KAT6B: variants seen among roughly 807,000 people sequenced by gnomAD.
KAT6B encodes histone acetyltransferase KAT6B.
A neutral mutation model predicts 187.5 loss-of-function variants in KAT6B; 10 were observed. The ratio of observed to expected loss-of-function variants is 0.05; its 90% CI spans 0.03 to 0.09. The LOEUF (loss-of-function observed/expected upper bound fraction) is 0.09, where lower values mean the gene tolerates loss of function less well. Among genes scored for constraint, KAT6B ranks in the 10% least tolerant of loss-of-function variants. The pLI is 1.00. For synonymous variants in KAT6B, 861 were observed against 926.8 expected (o/e 0.93, Z 1.29); for missense variants, 1,952 against 2,558.9 (o/e 0.76, Z 5.12).
rs191126427 is a variant in KAT6B, at chr10:74,888,617, A to G, written c.621+45139A>G. Among the ~76,000 whole-genome samples, 149 of 152,350 alleles carry G rather than the reference A, an allele frequency of 9.8e-4. 1 individual carries two copies. Among genetic ancestry groups the G allele is most frequent in the Middle Eastern group, 3.4e-3 (1 of 294 alleles). ...TGAGAAAAAATGGGTGTACTTTCATATTCTGAGCATATAAATTGTTCAGAC... is the reference window on the plus strand; with the variant it reads ...TGAGAAAAAATGGGTGTACTTTCATGTTCTGAGCATATAAATTGTTCAGAC... On this transcript the variant is annotated intron_variant, in intron 3 of 17. Coordinates refer to ENST00000287239, the MANE Select transcript of KAT6B (RefSeq NM_012330.4).
Position 75,028,525 on chromosome 10 carries a change from G to C in KAT6B, c.3701G>C (p.Gly1234Ala), listed in dbSNP as rs774116141. ...MNDDSSNLKEGSKDNPEPLKC... is the reference protein window; with the variant it reads ...MNDDSSNLKEASKDNPEPLKC... ...GATGATTCAAGTAACTTGAAAGAAG[G>C]CAGTAAAGACAATCCCGAACCTCTA... Residue 1234 changes from glycine to alanine, a missense_variant, in exon 18 of 18, where the codon GGC becomes GCC. Gly to Ala is a moderately conservative substitution (Grantham distance 60, BLOSUM62 0). Around this residue, in one of 9 missense-constraint regions of KAT6B, gnomAD observed 758 missense variants for 891.4 expected, o/e 0.85. Transcript: ENST00000287239. 1 of 1,614,122 alleles carries C rather than the reference G, an allele frequency of 6.2e-7. No individual in the cohort carries two copies. The highest frequency in any genetic ancestry group is 1.1e-5 in the South Asian group (1 of 91,084).
At chr10:74,877,639 A>G (rs1268473500) in intron 3 of KAT6B, among the ~76,000 whole-genome samples, 2 of 152,220 alleles carry the variant, frequency 1.3e-5, no homozygotes, top group East Asian at 1.9e-4. Flanking sequence ...AATAATTAAG[A>G]TGAAATATCA....
chr10:74,850,916 G>T (rs973743536), intron 3 of KAT6B, among the ~76,000 whole-genome samples: 1 of 152,128 alleles, frequency 6.6e-6, no homozygotes, highest in Admixed American at 6.6e-5. Context: ...TCTGTTTCCA[G>T]TGTAGTACAT....
intron 3 of KAT6B, among the ~76,000 whole-genome samples, chr10:74,956,940 G>C (rs1276669717): frequency 2.0e-5 from 3 of 152,222 alleles, no homozygotes. Context: ...AGGTGCCTTT[G>C]TGAAATTTCA....
chr10:74,988,178 A>G (rs1842930882), intron 12 of KAT6B, among the ~76,000 whole-genome samples: 1 of 152,142 alleles, frequency 6.6e-6, no homozygotes, highest in African/African-American at 2.4e-5. Context: ...TTTGTGGTTT[A>G]TATTTGGCCA....
chr10:74,831,673 T>C (rs766668325), intron 1 of KAT6B, among the ~76,000 whole-genome samples: 1 of 152,246 alleles, frequency 6.6e-6, no homozygotes, highest in Non-Finnish European at 1.5e-5. Flanking sequence ...TCCAGCTGAC[T>C]GTATTGCCCT....
chr10:74,851,784 G>C (rs1362580898), intron 3 of KAT6B, among the ~76,000 whole-genome samples: 3 of 152,166 alleles, frequency 2.0e-5, no homozygotes. Flanking sequence ...TTTTGGCACT[G>C]TTATTAATAT....
At chr10:75,006,912 CA>C (rs1844242250) in intron 13 of KAT6B, among the ~76,000 whole-genome samples, 1 of 151,594 alleles carries the variant, frequency 6.6e-6, no homozygotes, top group Non-Finnish European at 1.5e-5. Context: ...TACTAAAATA[CA>C]AAAAATTATC....
chr10:75,031,126 C>A lies in KAT6B; in HGVS notation c.*80C>A. 1.3e-6 allele frequency: 2 copies of A among 1,490,128 alleles called. No homozygotes were observed. The highest frequency in any genetic ancestry group is 1.8e-6 in the Non-Finnish European group (2 of 1,085,880). The allele number at this position is 1,490,128 out of a possible 1,614,324, so 92.3% of individuals were successfully genotyped here. ...CAAATACCTTTGAAGAGTACGATTT[C>A]AAAACCAGCAATTGGTGTGAATGCA... is the stretch of plus-strand genomic sequence containing the variant. On this transcript the variant is annotated 3_prime_UTR_variant, in exon 18 of 18. Coordinates refer to ENST00000287239, the MANE Select transcript of KAT6B (RefSeq NM_012330.4).
chr10:74,970,011 A>G lies in KAT6B; in HGVS notation c.847-9A>G. On this transcript the variant is annotated splice_polypyrimidine_tract_variant and intron_variant, in intron 5 of 17. Transcript: ENST00000287239. The stretch of plus-strand genomic sequence containing the variant: ...AGTCTCAATTAGTCTCTAATATGTT[A>G]TATTACAGGATAATATGCTTTTTTG... 1 of 1,590,140 alleles carries G rather than the reference A, an allele frequency of 6.3e-7. No homozygotes were observed. Among genetic ancestry groups the G allele is most frequent in the Non-Finnish European group, 8.6e-7 (1 of 1,158,464 alleles).
chr10:74,938,553 A>G (rs1002827305), intron 3 of KAT6B, among the ~76,000 whole-genome samples: 1 of 152,184 alleles, frequency 6.6e-6, no homozygotes, highest in Admixed American at 6.5e-5. Context: ...AGATGGGTCT[A>G]TGCTTACTGA....
chr10:74,978,185 A>G (rs141534857), intron 9 of KAT6B, among the ~76,000 whole-genome samples: 268 of 152,324 alleles, frequency 1.8e-3, no homozygotes, highest in African/African-American at 6.3e-3. Context: ...GTTGGGCTAA[A>G]TACTCCTGAC....
intron 3 of KAT6B, among the ~76,000 whole-genome samples, chr10:74,852,986 A>G (rs1357677742): frequency 6.6e-6 from 1 of 152,232 alleles, no homozygotes; most frequent in Non-Finnish European, 1.5e-5. Context: ...GTCTTAAATG[A>G]CAAATATTTT....
At chr10:75,021,001 C>A (rs1845366444) in intron 14 of KAT6B, 125 bp from the exon 15 acceptor site, 1 of 1,033,552 alleles carries the variant, frequency 9.7e-7, no homozygotes. Flanking sequence ...TCTGTACCCT[C>A]TCATTGAGGT....
At chr10:74,887,819 C>T (rs531071273) in intron 3 of KAT6B, among the ~76,000 whole-genome samples, 12 of 151,124 alleles carry the variant, frequency 7.9e-5, no homozygotes, top group Non-Finnish European at 1.3e-4. Context: ...CCAGCCTGGG[C>T]AACATAGCAA....
intron 3 of KAT6B, among the ~76,000 whole-genome samples, chr10:74,955,383 T>TACC (rs1840601518): frequency 9.9e-6 from 1 of 101,398 alleles, no homozygotes; most frequent in African/African-American, 3.9e-5. Flanking sequence ...CACAATTTTA[T>TACC]CCCCCCCCCC....
At chr10:74,843,545 G>GT (rs1282867751) in intron 3 of KAT6B, 67 bp downstream of exon 3, 4 of 1,571,980 alleles carry the variant, frequency 2.5e-6, no homozygotes, top group African/African-American at 1.3e-5. Flanking sequence ...TTTCACTTAA[G>GT]TTTTATGTGG....
At chr10:75,013,484 T>C (rs1844758162) in intron 13 of KAT6B, among the ~76,000 whole-genome samples, 1 of 152,056 alleles carries the variant, frequency 6.6e-6, no homozygotes, top group Admixed American at 6.5e-5. Context: ...GGTTTTTAGG[T>C]TCCTCAGGCA....
In KAT6B at chr10:74,899,270, A is replaced by ATTG. The variant is rs1026713317; in HGVS notation, c.621+55794_621+55795insGTT. On this transcript the variant is annotated intron_variant, in intron 3 of 17. Transcript: ENST00000287239. ...ATGAATTATTATTATTATTATTATT[A>ATTG]TTATTATTATTATTATTATTTGAGA... Among the ~76,000 whole-genome samples, 3 of 147,554 alleles carry ATTG rather than the reference A, an allele frequency of 2.0e-5. No individual in the cohort carries two copies. In the Admixed American group the frequency reaches 2.0e-4, roughly 10 times the overall value.
Sources: allele counts gnomAD v4.1 joint callset (sites outside exome capture counted in the v4.1 genomes callset), GRCh38; gene constraint gnomAD v4.1.1; regional missense constraint gnomAD v4.1.1; transcripts MANE v1.5; gene names NCBI Gene and HGNC (gene_info 2026-07-23, HGNC 2026-07-21).